The following ANKRD44 variants were observed in gnomAD, a reference collection of about 807,000 sequenced individuals.
The protein encoded by ANKRD44 is serine/threonine-protein phosphatase 6 regulatory ankyrin repeat subunit B.
In ANKRD44, 35 loss-of-function variants were observed where a neutral mutation model predicts 116.0. That is an observed-to-expected ratio of 0.30 (90% CI 0.23 to 0.40). The LOEUF is 0.40. ANKRD44 is among the 10% of genes least tolerant of loss of function. The probability of loss-of-function intolerance (pLI) is 1.00; values close to 1 mark genes in which losing one functional copy is unlikely to be tolerated. For missense variants in ANKRD44, 1,014 were observed against 1,242.6 expected (o/e 0.82, Z 2.77); for synonymous variants, 435 against 461.8 (o/e 0.94, Z 0.74).
chr2:197,220,644 A>G lies in ANKRD44; in HGVS notation c.28-33538T>C, dbSNP rs550704967. On this transcript the variant is annotated intron_variant, in intron 1 of 27. Coordinates refer to ENST00000282272, the MANE Select transcript of ANKRD44 (RefSeq NM_001195144.2). ...GTCTGGCTGATTATATTTCTGGGGG[A>G]AAAAAAATGGGTTATAAGCACACTC... is the stretch of plus-strand genomic sequence containing the variant. 9.9e-5 allele frequency among the ~76,000 whole-genome samples: 15 copies of G among 151,988 alleles called. No individual in the cohort carries two copies. The East Asian group carries it at 1.9e-3, about 20-fold the overall frequency.
At chr2:197,068,908 G>A (rs2077500170) in intron 16 of ANKRD44, among the ~76,000 whole-genome samples, 1 of 152,148 alleles carries the variant, frequency 6.6e-6, no homozygotes, top group African/African-American at 2.4e-5. Context: ...CGAGGATCTA[G>A]AACTAAAAAT....
intron 16 of ANKRD44, among the ~76,000 whole-genome samples, chr2:197,066,506 G>C (rs1328111644): frequency 6.6e-6 from 1 of 152,200 alleles, no homozygotes; most frequent in Non-Finnish European, 1.5e-5. Context: ...AATTGTCTCT[G>C]TTTGCAGATA....
At chr2:197,070,615 T>C (rs2077538478) in intron 16 of ANKRD44, among the ~76,000 whole-genome samples, 2 of 152,160 alleles carry the variant, frequency 1.3e-5, no homozygotes, top group African/African-American at 4.8e-5. Context: ...GGTATATAAT[T>C]CTCTGCATGT....
At chr2:197,303,917 C>A (rs1419483556) in intron 1 of ANKRD44, among the ~76,000 whole-genome samples, 1 of 152,182 alleles carries the variant, frequency 6.6e-6, no homozygotes, top group Non-Finnish European at 1.5e-5. Flanking sequence ...AACATAAACA[C>A]TGATAAGGGC....
At chr2:197,226,534 C>A (rs1254045505) in intron 1 of ANKRD44, among the ~76,000 whole-genome samples, 1 of 152,022 alleles carries the variant, frequency 6.6e-6, no homozygotes, top group Non-Finnish European at 1.5e-5. Context: ...TGTGGTGGTG[C>A]ACGCCTGTAG....
At chr2:196,978,899 TAA>T (rs58172786) in intron 21 of ANKRD44, among the ~76,000 whole-genome samples, 1 of 142,006 alleles carries the variant, frequency 7.0e-6, no homozygotes. Context: ...GATATTGTTT[TAA>T]AAAAAAAAAA....
chr2:197,043,376 T>C (rs1171277673), intron 16 of ANKRD44, among the ~76,000 whole-genome samples: 1 of 152,206 alleles, frequency 6.6e-6, no homozygotes, highest in East Asian at 1.9e-4. Context: ...CAAGGCTTTT[T>C]AAAAATTTTT....
At chr2:197,122,890 C>G (rs2078890240) in intron 6 of ANKRD44, 98 bp from the exon 7 acceptor site, 1 of 1,407,800 alleles carries the variant, frequency 7.1e-7, no homozygotes, top group Non-Finnish European at 9.5e-7. Context: ...TCATCGCCAC[C>G]AGTATTTTGC....
intron 13 of ANKRD44, among the ~76,000 whole-genome samples, chr2:197,085,041 T>C (rs967870369): frequency 6.6e-6 from 1 of 152,210 alleles, no homozygotes; most frequent in Non-Finnish European, 1.5e-5. Context: ...TAATTTGCTG[T>C]ACATTACTTA....
chr2:196,987,839 CA>C lies in ANKRD44; in HGVS notation c.*1751del, dbSNP rs2075855323. The C allele has an allele frequency of 6.2e-6, 6 of 973,260 alleles. No homozygotes were observed. In the South Asian group the frequency reaches 2.9e-4, roughly 46 times the overall value. 60.3% of individuals were successfully genotyped at this position (973,260 alleles called of 1,614,324 possible). A position where few individuals can be genotyped will look rare whatever the true frequency, so the allele number is the denominator to read the frequency against. On this transcript the variant is annotated 3_prime_UTR_variant, in exon 28 of 28. Coordinates refer to ENST00000282272, the MANE Select transcript of ANKRD44 (RefSeq NM_001195144.2). ...AGCAACTAAGACTCAGTTAAAAACA[CA>C]TTTTTTTTTCTTAGAAAGCTATGGT...
intron 21 of ANKRD44, among the ~76,000 whole-genome samples, chr2:196,981,607 C>T (rs1331178923): frequency 6.6e-6 from 1 of 151,994 alleles, no homozygotes; most frequent in African/African-American, 2.4e-5. Context: ...AAAACCCCAT[C>T]TCTACTAAAA....
intron 1 of ANKRD44, among the ~76,000 whole-genome samples, chr2:197,306,874 C>T (rs1245639955): frequency 1.3e-5 from 2 of 152,186 alleles, no homozygotes; most frequent in African/African-American, 2.4e-5. Context: ...TCCAAAAAGG[C>T]CACCTGCTGA....
chr2:197,061,286 C>T (rs1283275008), intron 16 of ANKRD44, among the ~76,000 whole-genome samples: 5 of 152,114 alleles, frequency 3.3e-5, no homozygotes, highest in African/African-American at 9.7e-5. Context: ...TCACACAGCC[C>T]CTCCTCTGGC....
Position 197,173,195 on chromosome 2 carries a change from C to T in ANKRD44, c.111+13828G>A, listed in dbSNP as rs181938911. Among the ~76,000 whole-genome samples, 5 of 152,294 alleles carry T rather than the reference C, an allele frequency of 3.3e-5. No individual in the cohort carries two copies. In the East Asian group the frequency reaches 9.6e-4, roughly 29 times the overall value. On this transcript the variant is annotated intron_variant, in intron 2 of 27. Transcript: ENST00000282272. The stretch of plus-strand genomic sequence containing the variant: ...AAGCAAAATGCAAAACAGGATCAAT[C>T]ATGTGATCTTTCTAGAAAAGTTTCA...
At chr2:197,272,479 G>A (rs987940180) in intron 1 of ANKRD44, among the ~76,000 whole-genome samples, 1 of 152,134 alleles carries the variant, frequency 6.6e-6, no homozygotes, top group African/African-American at 2.4e-5. Context: ...CTTGTGATCC[G>A]CCCGCCTTGG....
intron 1 of ANKRD44, among the ~76,000 whole-genome samples, chr2:197,261,133 T>G (rs62279248): frequency 0.084 from 12,749 of 151,400 alleles, 672 homozygotes; most frequent in Non-Finnish European, 0.13. Context: ...TTTGGTGTTT[T>G]AGACATGAAG....
At chr2:197,174,162 A>C (rs952475371) in intron 2 of ANKRD44, among the ~76,000 whole-genome samples, 4 of 152,200 alleles carry the variant, frequency 2.6e-5, no homozygotes, top group African/African-American at 9.7e-5. Flanking sequence ...TGACTTAATA[A>C]GTTTTTAAAT....
At chr2:197,098,120 G>T (rs1204693030) in intron 10 of ANKRD44, among the ~76,000 whole-genome samples, 1 of 151,982 alleles carries the variant, frequency 6.6e-6, no homozygotes, top group Non-Finnish European at 1.5e-5. Flanking sequence ...TTTTCTGGGG[G>T]ATCCAGAAAA....
downstream of ANKRD44, among the ~76,000 whole-genome samples, chr2:196,981,945 T>A (rs1028804355): frequency 6.6e-6 from 1 of 151,348 alleles, no homozygotes; most frequent in African/African-American, 2.4e-5. Context: ...GACATCTTGG[T>A]CTCTTGGTTT....
Sources: gnomAD v4.1 joint callset for allele counts (sites outside exome capture counted in the v4.1 genomes callset) on GRCh38, gnomAD v4.1.1 for gene constraint, MANE v1.5 for transcripts, NCBI Gene and HGNC (gene_info 2026-07-23, HGNC 2026-07-21) for gene names.